DPY19L4: variants seen among roughly 807,000 people sequenced by gnomAD.
The protein encoded by DPY19L4 is probable C-mannosyltransferase DPY19L4.
Under a neutral mutation model 102.8 loss-of-function variants are expected in DPY19L4, and 97 were observed. The observed-to-expected ratio is 0.94, with a 90% CI of 0.80 to 1.12. The LOEUF is 1.12. Ranked by LOEUF, DPY19L4 falls within the 50% of genes most tolerant of loss-of-function variation. DPY19L4 has a pLI of 0.00. For synonymous variants in DPY19L4, 252 were observed against 283.1 expected (o/e 0.89, Z 1.10); for missense variants, 815 against 850.4 (o/e 0.96, Z 0.52).
In DPY19L4 at chr8:94,765,205, A is replaced by G; in HGVS notation, c.893A>G (p.Tyr298Cys). The change falls in exon 9 of 19, where the codon TAC becomes TGC. Residue 298 changes from tyrosine to cysteine, a missense_variant. Transcript: ENST00000414645. ...CAGGTTTATGAAGTTTATAAAATCT[A>G]CATATTTTCCCTCTTTCTGGGATAT... ...SDKVYEVYKI[Y>C]IFSLFLGYLL... 6.5e-7 allele frequency: 1 copy of G among 1,548,608 alleles called. No individual in the cohort carries two copies. Among genetic ancestry groups the G allele is most frequent in the Non-Finnish European group, 8.8e-7 (1 of 1,133,630 alleles).
In DPY19L4 at chr8:94,781,746, C is replaced by G. The variant is rs1586423111; in HGVS notation, c.1715+580C>G. On this transcript the variant is annotated intron_variant, in intron 16 of 18. Coordinates refer to ENST00000414645, the MANE Select transcript of DPY19L4 (RefSeq NM_181787.3). ...AAAGAAGATGAGAAAGCAGATCTCT[C>G]TTGCATTCATCTCTTGGTCAAAAAA... is the stretch of plus-strand genomic sequence containing the variant. 3.3e-5 allele frequency among the ~76,000 whole-genome samples: 5 copies of G among 152,342 alleles called. 1 individual carries two copies. The Middle Eastern group carries it at 0.017, about 518-fold the overall frequency.
intron 6 of DPY19L4, among the ~76,000 whole-genome samples, chr8:94,753,687 A>G (rs1563592077): frequency 6.6e-6 from 1 of 151,988 alleles, no homozygotes; most frequent in Admixed American, 6.6e-5. Context: ...CCTGGCCAAC[A>G]TAGTGAAACC....
chr8:94,743,464 CTCA>C (rs1197890204), intron 6 of DPY19L4, among the ~76,000 whole-genome samples: 1 of 150,204 alleles, frequency 6.7e-6, no homozygotes, highest in Non-Finnish European at 1.5e-5. Context: ...ATAGTGAGAC[CTCA>C]TCATCTCTAC....
At chr8:94,741,141 G>T (rs550739117) in intron 6 of DPY19L4, among the ~76,000 whole-genome samples, 1 of 152,264 alleles carries the variant, frequency 6.6e-6, no homozygotes, top group South Asian at 2.1e-4. Context: ...TATTTTTCAT[G>T]TTCCATGACA....
intron 7 of DPY19L4, among the ~76,000 whole-genome samples, chr8:94,760,911 G>A (rs1321431602): frequency 6.6e-6 from 1 of 152,200 alleles, no homozygotes. Flanking sequence ...CTTGTGTTTA[G>A]TATTTAGCAG....
At chr8:94,771,199 G>A (rs932457988) in intron 13 of DPY19L4, among the ~76,000 whole-genome samples, 9 of 152,160 alleles carry the variant, frequency 5.9e-5, no homozygotes, top group Non-Finnish European at 1.0e-4. Context: ...ACAGGCGTGA[G>A]CCACCGCACC....
intron 2 of DPY19L4, among the ~76,000 whole-genome samples, chr8:94,726,840 T>C (rs937344257): frequency 6.6e-6 from 1 of 152,212 alleles, no homozygotes. Flanking sequence ...ATGTGAAGTA[T>C]ACTTTGATTA....
chr8:94,787,976 A>C lies in DPY19L4; in HGVS notation c.1931A>C (p.Glu644Ala). The C allele has an allele frequency of 6.6e-7, 1 of 1,522,828 alleles. No individual in the cohort carries two copies. The highest frequency in any genetic ancestry group is 8.8e-7 in the Non-Finnish European group (1 of 1,135,602). The allele number at this position is 1,522,828 out of a possible 1,614,324, so 94.3% of individuals were successfully genotyped here. Residue 644 changes from glutamate (E) to alanine (A), a missense_variant, in exon 18 of 19, where the codon GAG (glutamate) becomes GCG (alanine). Physicochemically the swap from Glu to Ala is moderately radical, Grantham distance 107. Coordinates refer to ENST00000414645, the MANE Select transcript of DPY19L4 (RefSeq NM_181787.3). Reference protein sequence around the residue: ...TSYKANYLIVEDAICNEVGPM... With the variant: ...TSYKANYLIVADAICNEVGPM... ...TACAAAGCTAATTACCTAATTGTAGAGGATGCTATCTGCAATGAGGTGGGA... is the reference window on the plus strand; with the variant it reads ...TACAAAGCTAATTACCTAATTGTAGCGGATGCTATCTGCAATGAGGTGGGA...
At chr8:94,769,105 A>G (rs1277859227) in intron 12 of DPY19L4, among the ~76,000 whole-genome samples, 3 of 121,860 alleles carry the variant, frequency 2.5e-5, no homozygotes, top group Non-Finnish European at 5.0e-5. Context: ...CTTGTTCCCC[A>G]GGCTGGAGTG....
intron 6 of DPY19L4, among the ~76,000 whole-genome samples, chr8:94,740,795 T>C (rs1811412724): frequency 6.6e-6 from 1 of 152,114 alleles, no homozygotes. Context: ...TATTCAACTG[T>C]CACTGCCTTT....
chr8:94,728,754 G>A (rs1253086985), intron 2 of DPY19L4, among the ~76,000 whole-genome samples: 1 of 152,202 alleles, frequency 6.6e-6, no homozygotes, highest in Non-Finnish European at 1.5e-5. Flanking sequence ...TTACTAGAGT[G>A]CCTTTGTTAT....
chr8:94,722,189 C>CCT, intron 1 of DPY19L4, among the ~76,000 whole-genome samples: 1 of 151,004 alleles, frequency 6.6e-6, no homozygotes, highest in East Asian at 2.0e-4. Context: ...GGGCGGATCA[C>CCT]GAGGTCAGGA....
intron 17 of DPY19L4, among the ~76,000 whole-genome samples, chr8:94,786,809 A>G (rs1378087069): frequency 2.0e-5 from 3 of 152,174 alleles, no homozygotes; most frequent in Non-Finnish European, 4.4e-5. Context: ...GGGTCTCCCA[A>G]AGTGCTGGGA....
intron 6 of DPY19L4, among the ~76,000 whole-genome samples, chr8:94,754,890 G>A (rs1282521605): frequency 6.6e-6 from 1 of 152,226 alleles, no homozygotes; most frequent in Non-Finnish European, 1.5e-5. Context: ...CCAGGTTCAA[G>A]TGATTCTCCT....
Position 94,777,699 on chromosome 8 carries a change from G to GT in DPY19L4, c.1490dup (p.Leu497PhefsTer65). 6.2e-7 allele frequency: 1 copy of GT among 1,614,040 alleles called. No homozygotes were observed. Among genetic ancestry groups the GT allele is most frequent in the East Asian group, 2.2e-5 (1 of 44,862 alleles). On this transcript the variant is annotated frameshift_variant, in exon 14 of 19. Transcript: ENST00000414645. LOFTEE classifies it high-confidence loss of function. The stretch of plus-strand genomic sequence containing the variant: ...ACATCTGGATTCCTTATGTGTGCAT[G>GT]TTAGCAGCATTTGGTGTATGTTCTC...
intron 13 of DPY19L4, among the ~76,000 whole-genome samples, chr8:94,774,541 C>CA (rs993401220): frequency 6.6e-6 from 1 of 151,392 alleles, no homozygotes; most frequent in Admixed American, 6.6e-5. Context: ...TCCCTACCCT[C>CA]AACCTCTAAT....
rs181680933 is a variant in DPY19L4 at position 94,727,288 on chromosome 8, C to T, written c.127+847C>T. On this transcript the variant is annotated intron_variant, in intron 2 of 18. Coordinates refer to ENST00000414645, the MANE Select transcript of DPY19L4 (RefSeq NM_181787.3). ...TCGCTCTGTCACCCAGGCTGGAGTG[C>T]AGTGGCACGATCTCAGCTCACTGCA... Among the ~76,000 whole-genome samples, 135 of 152,330 alleles carry T rather than the reference C, an allele frequency of 8.9e-4. 1 individual carries two copies. The East Asian group carries it at 0.026, about 29-fold the overall frequency.
chr8:94,755,469 C>CA (rs1462846909), intron 6 of DPY19L4, among the ~76,000 whole-genome samples: 1 of 152,156 alleles, frequency 6.6e-6, no homozygotes, highest in African/African-American at 2.4e-5. Context: ...CCAGAGAAGG[C>CA]ATGCCTTCTT....
chr8:94,767,483 CG>C (rs1222346666), intron 11 of DPY19L4, among the ~76,000 whole-genome samples: 3 of 151,862 alleles, frequency 2.0e-5, no homozygotes, highest in African/African-American at 7.3e-5. Flanking sequence ...TTAGTAGAGA[CG>C]GGGTTTCACT....
Sources: allele counts gnomAD v4.1 joint callset (sites outside exome capture counted in the v4.1 genomes callset), GRCh38; gene constraint gnomAD v4.1.1; transcripts MANE v1.5; gene names NCBI Gene and HGNC (gene_info 2026-07-23, HGNC 2026-07-21).